Variants in PRKCB observed in about 807,000 individuals in gnomAD.
The protein encoded by PRKCB is protein kinase C beta, also known as protein kinase C beta type.
PRKCB carries 13 observed loss-of-function variants against 81.5 expected under a neutral mutation model. The observed-to-expected ratio is 0.16, with a 90% CI of 0.10 to 0.25. PRKCB has a LOEUF of 0.25. PRKCB is among the 10% of genes least tolerant of loss of function. The pLI is 1.00. For synonymous variants in PRKCB, 335 were observed against 321.4 expected (o/e 1.04, Z -0.45); for missense variants, 509 against 875.7 (o/e 0.58, Z 5.29).
At chr16:23,997,412 C>T (rs1964974160) in intron 3 of PRKCB, among the ~76,000 whole-genome samples, 1 of 152,184 alleles carries the variant, frequency 6.6e-6, no homozygotes, top group Non-Finnish European at 1.5e-5. Flanking sequence ...TTGGGTCACC[C>T]TGCCAGGTAA....
At chr16:24,133,030 T>C (rs1567386810) in intron 9 of PRKCB, among the ~76,000 whole-genome samples, 1 of 152,128 alleles carries the variant, frequency 6.6e-6, no homozygotes, top group Non-Finnish European at 1.5e-5. Context: ...AAACATATTC[T>C]AGGAGGTTAG....
chr16:23,907,386 C>T (rs893470750), intron 2 of PRKCB, among the ~76,000 whole-genome samples: 1 of 152,238 alleles, frequency 6.6e-6, no homozygotes, highest in Non-Finnish European at 1.5e-5. Context: ...AGCCATCCTC[C>T]TGCCTCAGCC....
At chr16:24,171,930 A>T (rs1286147910) in intron 10 of PRKCB, among the ~76,000 whole-genome samples, 1 of 151,846 alleles carries the variant, frequency 6.6e-6, no homozygotes, top group Admixed American at 6.6e-5. Context: ...TTCAGTAGAG[A>T]TGGAGTTTTG....
chr16:24,031,080 A>T (rs111755889), intron 3 of PRKCB, among the ~76,000 whole-genome samples: 13 of 152,166 alleles, frequency 8.5e-5, no homozygotes, highest in African/African-American at 3.1e-4. Flanking sequence ...AACAAAAGAA[A>T]ACAAAAAACC....
chr16:24,060,876 T>A (rs1232375586), intron 5 of PRKCB, among the ~76,000 whole-genome samples: 1 of 152,170 alleles, frequency 6.6e-6, no homozygotes, highest in Non-Finnish European at 1.5e-5. Context: ...CCAAGGTTAT[T>A]CCCTGAGAAG....
intron 2 of PRKCB, among the ~76,000 whole-genome samples, chr16:23,858,779 T>C (rs1962616131): frequency 6.6e-6 from 1 of 152,146 alleles, no homozygotes; most frequent in Admixed American, 6.5e-5. Flanking sequence ...TTTCATGGAA[T>C]AATACTTCCC....
intron 15 of PRKCB, among the ~76,000 whole-genome samples, chr16:24,187,889 G>C (rs902188487): frequency 6.6e-6 from 1 of 152,108 alleles, no homozygotes; most frequent in African/African-American, 2.4e-5. Flanking sequence ...CTGGGCTTCT[G>C]TTTATTTTAA....
chr16:23,881,919 T>G (rs1283013353), intron 2 of PRKCB, among the ~76,000 whole-genome samples: 1 of 152,134 alleles, frequency 6.6e-6, no homozygotes, highest in Non-Finnish European at 1.5e-5. Context: ...AGTGGACTCT[T>G]GCAGTATTTG....
intron 16 of PRKCB, among the ~76,000 whole-genome samples, chr16:24,206,169 ATC>A (rs1968042437): frequency 6.6e-6 from 1 of 152,136 alleles, no homozygotes; most frequent in African/African-American, 2.4e-5. Context: ...GGAGACTTAA[ATC>A]TCTCTTTTTT....
intron 2 of PRKCB, among the ~76,000 whole-genome samples, chr16:23,981,049 T>C (rs533461492): frequency 6.6e-6 from 1 of 152,162 alleles, no homozygotes; most frequent in African/African-American, 2.4e-5. Flanking sequence ...TAGTGTTTCT[T>C]ATTGCTGCTG....
intron 9 of PRKCB, among the ~76,000 whole-genome samples, chr16:24,144,048 A>G (rs2141945821): frequency 6.6e-6 from 1 of 152,330 alleles, no homozygotes; most frequent in Middle Eastern, 3.4e-3. Flanking sequence ...AACGATTTTC[A>G]TTATAGAAAA....
chr16:24,197,009 T>G (rs1182363237), intron 16 of PRKCB, among the ~76,000 whole-genome samples: 1 of 152,158 alleles, frequency 6.6e-6, no homozygotes, highest in Non-Finnish European at 1.5e-5. Flanking sequence ...AGCAGTGGCT[T>G]GGGAAGAAGC....
intron 3 of PRKCB, among the ~76,000 whole-genome samples, chr16:23,988,973 A>G (rs1047729603): frequency 6.6e-6 from 1 of 151,556 alleles, no homozygotes; most frequent in East Asian, 1.9e-4. Context: ...TATTTTTATT[A>G]TTTTTCAGAT....
intron 2 of PRKCB, among the ~76,000 whole-genome samples, chr16:23,986,790 T>G (rs1417652379): frequency 6.6e-6 from 1 of 152,180 alleles, no homozygotes; most frequent in African/African-American, 2.4e-5. Context: ...AAAGTAACAT[T>G]AGTATAATGC....
intron 5 of PRKCB, among the ~76,000 whole-genome samples, chr16:24,040,509 T>A (rs943176513): frequency 2.6e-5 from 4 of 152,174 alleles, no homozygotes; most frequent in African/African-American, 7.2e-5. Flanking sequence ...AGGGGTGATT[T>A]TATGTTGGAT....
At chr16:23,978,265 C>T (rs912711785) in intron 2 of PRKCB, among the ~76,000 whole-genome samples, 1 of 152,238 alleles carries the variant, frequency 6.6e-6, no homozygotes, top group Admixed American at 6.5e-5. Flanking sequence ...AGGGCATATG[C>T]CCCTCAGTTC....
intron 2 of PRKCB, among the ~76,000 whole-genome samples, chr16:23,938,743 G>A (rs1273497084): frequency 1.3e-5 from 2 of 152,190 alleles, no homozygotes; most frequent in Non-Finnish European, 2.9e-5. Flanking sequence ...TCACAATGAA[G>A]TAAAACTAGA....
At chr16:24,161,451 A>T (rs927798986) in intron 10 of PRKCB, among the ~76,000 whole-genome samples, 3 of 152,206 alleles carry the variant, frequency 2.0e-5, no homozygotes, top group African/African-American at 7.2e-5. Flanking sequence ...GGGTCTGTGG[A>T]TAAGTGCCTT....
At chr16:23,877,580 A>G (rs1963035697) in intron 2 of PRKCB, among the ~76,000 whole-genome samples, 3 of 152,222 alleles carry the variant, frequency 2.0e-5, no homozygotes, top group African/African-American at 4.8e-5. Context: ...CTCATCACCA[A>G]TGGCATGCCG....
Sources: allele counts gnomAD v4.1 joint callset (sites outside exome capture counted in the v4.1 genomes callset), GRCh38; gene constraint gnomAD v4.1.1; transcripts MANE v1.5; gene names NCBI Gene and HGNC (gene_info 2026-07-23, HGNC 2026-07-21).